The following CDKL1 variants were observed in gnomAD, a reference collection of about 807,000 sequenced individuals.
The protein encoded by CDKL1 is cyclin-dependent kinase-like 1.
A neutral mutation model predicts 42.0 loss-of-function variants in CDKL1; 41 were observed. That is an observed-to-expected ratio of 0.98 (90% CI 0.76 to 1.27). The LOEUF is 1.27. Among genes scored for constraint, CDKL1 ranks in the 50% most tolerant of loss-of-function variants. The pLI, the probability that CDKL1 is intolerant of heterozygous loss-of-function variation, is 0.00. For synonymous variants in CDKL1, 153 were observed against 158.6 expected (o/e 0.96, Z 0.26); for missense variants, 394 against 428.4 (o/e 0.92, Z 0.71).
Position 50,332,907 on chromosome 14 carries a change from T to A in CDKL1, c.796-475A>T, listed in dbSNP as rs1370749221. The A allele has an allele frequency of 4.3e-5, 10 of 232,072 alleles. No homozygotes were observed. In the Admixed American group the frequency reaches 5.7e-4, roughly 13 times the overall value. The allele number at this position is 232,072 out of a possible 1,614,324, so 14.4% of individuals were successfully genotyped here. On this transcript the variant is annotated intron_variant, in intron 8 of 9. Coordinates refer to ENST00000395834, the MANE Select transcript of CDKL1 (RefSeq NM_004196.7). ...TCACCCTTCTAAAATCAGCTACTTT[T>A]TTTTTTTTTTTTTTTTGGTGTATCC...
chr14:50,378,258 C>T (rs868763848), intron 2 of CDKL1: 1 of 1,366,360 alleles, frequency 7.3e-7, no homozygotes, highest in South Asian at 1.1e-5. Flanking sequence ...TCTACCCCAC[C>T]TCCTTCTAGG....
chr14:50,384,773 C>G (rs950183447), intron 2 of CDKL1, among the ~76,000 whole-genome samples: 10 of 151,234 alleles, frequency 6.6e-5, no homozygotes, highest in African/African-American at 2.2e-4. Flanking sequence ...TTTTACATCA[C>G]CATTGGTTGA....
At position 50,387,038 on chromosome 14, in the gene CDKL1, A is replaced by G. The variant is rs545939106; in HGVS notation, c.168+8663T>C. ...CGAGACTCCGTCTCAAAAAGAAAAAAAAAAAAAGAATACAAAGAATTAGCC... is the reference window on the plus strand; with the variant it reads ...CGAGACTCCGTCTCAAAAAGAAAAAGAAAAAAAGAATACAAAGAATTAGCC... On this transcript the variant is annotated intron_variant, in intron 2 of 9. Transcript: ENST00000395834. 1.1e-3 allele frequency among the ~76,000 whole-genome samples: 147 copies of G among 136,446 alleles called. 3 individuals carry two copies. Among genetic ancestry groups the G allele is most frequent in the Non-Finnish European group, 9.8e-4 (62 of 63,312 alleles). 89.5% of individuals were successfully genotyped at this position (136,446 alleles called of 152,430 possible). A position where few individuals can be genotyped will look rare whatever the true frequency, so the allele number is the denominator to read the frequency against.
At chr14:50,392,627 C>A (rs1328566499) in intron 2 of CDKL1, among the ~76,000 whole-genome samples, 1 of 152,064 alleles carries the variant, frequency 6.6e-6, no homozygotes, top group Admixed American at 6.6e-5. Flanking sequence ...GTCCCTCCAT[C>A]CCACATGGTG....
intron 2 of CDKL1, among the ~76,000 whole-genome samples, chr14:50,372,281 C>T (rs1448455155): frequency 1.3e-5 from 2 of 152,122 alleles, no homozygotes; most frequent in African/African-American, 4.8e-5. Flanking sequence ...CCACACCTGG[C>T]TAATTTCTGT....
chr14:50,351,240 G>T (rs541829939), intron 3 of CDKL1, among the ~76,000 whole-genome samples: 3 of 152,052 alleles, frequency 2.0e-5, no homozygotes, highest in Non-Finnish European at 4.4e-5. Flanking sequence ...TCTGACCACA[G>T]AGAAATGCGG....
chr14:50,393,680 A>C (rs937497153), intron 2 of CDKL1, among the ~76,000 whole-genome samples: 1 of 152,068 alleles, frequency 6.6e-6, no homozygotes, highest in Non-Finnish European at 1.5e-5. Flanking sequence ...ATATCACACA[A>C]CTCTGAAAAG....
At chr14:50,370,434 A>G (rs2139486092) in intron 2 of CDKL1, among the ~76,000 whole-genome samples, 1 of 152,264 alleles carries the variant, frequency 6.6e-6, no homozygotes. Flanking sequence ...TGTGCAACAG[A>G]TCTTGGAAAT....
intron 2 of CDKL1, chr14:50,362,997 G>T: frequency 2.2e-6 from 1 of 461,630 alleles, no homozygotes; most frequent in South Asian, 1.6e-5. Context: ...ATGGCAAAGG[G>T]CTGCAGCTTC....
At chr14:50,370,220 C>A (rs1446635935) in intron 2 of CDKL1, among the ~76,000 whole-genome samples, 1 of 152,080 alleles carries the variant, frequency 6.6e-6, no homozygotes. Context: ...AGGTGCCTGC[C>A]ACCATGCCTG....
chr14:50,375,108 A>T (rs977727073), intron 2 of CDKL1, among the ~76,000 whole-genome samples: 2 of 152,156 alleles, frequency 1.3e-5, no homozygotes, highest in African/African-American at 4.8e-5. Flanking sequence ...AAAAAAAATT[A>T]AAAAAAGAAA....
chr14:50,335,703 G>T (rs1349403240), intron 7 of CDKL1: 5 of 1,464,646 alleles, frequency 3.4e-6, no homozygotes, highest in Admixed American at 2.3e-5. Flanking sequence ...GCAGTGCATT[G>T]TGTGTATAAA....
intron 7 of CDKL1, chr14:50,335,695 A>G (rs892038664): frequency 2.0e-5 from 29 of 1,475,186 alleles, no homozygotes; most frequent in Non-Finnish European, 2.5e-5. Flanking sequence ...AAGTGACTGC[A>G]GTGCATTGTG....
Position 50,339,524 on chromosome 14 carries a change from G to A in CDKL1, c.656-495C>T, listed in dbSNP as rs535254353. Among the ~76,000 whole-genome samples, 14 of 133,882 alleles carry A rather than the reference G, an allele frequency of 1.0e-4. No homozygotes were observed. In the South Asian group the frequency reaches 3.4e-3, roughly 32 times the overall value. 87.8% of individuals were successfully genotyped at this position (133,882 alleles called of 152,430 possible). On this transcript the variant is annotated intron_variant, in intron 6 of 9. Transcript: ENST00000395834. ...AAGAAGGAAGAGAGGGAGGGAGGAAGAGAGGGAGGGAGGGAGGGGAGGGGA... is the reference window on the plus strand; with the variant it reads ...AAGAAGGAAGAGAGGGAGGGAGGAAAAGAGGGAGGGAGGGAGGGGAGGGGA...
chr14:50,339,522 A>AGAGAGGG (rs1566576934), intron 6 of CDKL1, among the ~76,000 whole-genome samples: 2 of 136,866 alleles, frequency 1.5e-5, no homozygotes, highest in African/African-American at 2.8e-5. Flanking sequence ...GGGAGGGAGG[A>AGAGAGGG]AGAGAGGGAG....
At chr14:50,377,776 T>C in intron 2 of CDKL1, 1 of 1,145,004 alleles carries the variant, frequency 8.7e-7, no homozygotes, top group Non-Finnish European at 1.1e-6. Flanking sequence ...TTATGGGAAG[T>C]ATTGAATAAG....
chr14:50,376,112 A>T (rs556485081), intron 2 of CDKL1, among the ~76,000 whole-genome samples: 60 of 152,340 alleles, frequency 3.9e-4, no homozygotes, highest in African/African-American at 1.2e-3. Context: ...TTCAACAAAA[A>T]ATTAAAGAAA....
rs1054111786 is a variant in CDKL1, at chr14:50,363,186, C to G, written c.169-4037G>C. 10 of 220,568 alleles carry G rather than the reference C, an allele frequency of 4.5e-5. No homozygotes were observed. The South Asian group carries it at 5.0e-4, about 11-fold the overall frequency. 13.7% of individuals were successfully genotyped at this position (220,568 alleles called of 1,614,324 possible). A position where few individuals can be genotyped will look rare whatever the true frequency, so the allele number is the denominator to read the frequency against. On this transcript the variant is annotated intron_variant, in intron 2 of 9. Transcript: ENST00000395834. ...ATCCGAACATCAGAAGGAACAAACT[C>G]CGGACACGCCGCCTTTAAGAAGTGT...
At chr14:50,352,189 C>T (rs1237321730) in intron 3 of CDKL1, among the ~76,000 whole-genome samples, 4 of 152,136 alleles carry the variant, frequency 2.6e-5, no homozygotes, top group South Asian at 2.1e-4. Flanking sequence ...ATAGTGGCCT[C>T]ATAAAATGAT....
Sources: allele counts gnomAD v4.1 joint callset (sites outside exome capture counted in the v4.1 genomes callset), GRCh38; gene constraint gnomAD v4.1.1; transcripts MANE v1.5; gene names NCBI Gene and HGNC (gene_info 2026-07-23, HGNC 2026-07-21).